CCDC148: variants seen among roughly 807,000 people sequenced by gnomAD.
CCDC148 encodes coiled-coil domain-containing protein 148.
In CCDC148, 89 loss-of-function variants were observed where a neutral mutation model predicts 85.7. The observed-to-expected ratio is 1.04, with a 90% CI of 0.87 to 1.24. The LOEUF (loss-of-function observed/expected upper bound fraction) is 1.24, where lower values mean the gene tolerates loss of function less well. Ranked by LOEUF, CCDC148 falls within the 50% of genes most tolerant of loss-of-function variation. CCDC148 has a pLI of 0.00. For missense variants in CCDC148, 692 were observed against 671.7 expected, an observed-to-expected ratio of 1.03 and a Z score of -0.33; for synonymous variants, 230 against 213.9, an observed-to-expected ratio of 1.08 and a Z score of -0.66.
chr2:158,437,629 G>T lies in CCDC148; in HGVS notation c.25+18786C>A, dbSNP rs576855289. ...CATAGTGTTGGAAGTGCTGACCAGG[G>T]CAATCAGGCAGGAGAAGGAAATAAA... On this transcript the variant is annotated intron_variant, in intron 1 of 13. Coordinates refer to ENST00000283233, the MANE Select transcript of CCDC148 (RefSeq NM_138803.4). Among the ~76,000 whole-genome samples the T allele has an allele frequency of 1.1e-3, 161 of 152,248 alleles. 1 individual carries two copies. Among genetic ancestry groups the T allele is most frequent in the African/African-American group, 3.7e-3 (152 of 41,520 alleles).
At chr2:158,269,934 TAAC>T (rs1272208178) in intron 9 of CCDC148, among the ~76,000 whole-genome samples, 1 of 152,180 alleles carries the variant, frequency 6.6e-6, no homozygotes, top group Non-Finnish European at 1.5e-5. Flanking sequence ...AAAGGGAAGT[TAAC>T]AACAGAACAA....
intron 11 of CCDC148, among the ~76,000 whole-genome samples, chr2:158,211,909 A>G (rs954495392): frequency 3.3e-5 from 5 of 152,190 alleles, no homozygotes; most frequent in African/African-American, 1.2e-4. Context: ...GCTAAGCTCC[A>G]TTCAAGAACT....
chr2:158,281,925 C>A (rs540894881), intron 9 of CCDC148, among the ~76,000 whole-genome samples: 1 of 151,902 alleles, frequency 6.6e-6, no homozygotes, highest in Admixed American at 6.6e-5. Flanking sequence ...AAAGCTTATC[C>A]ACCATGATCA....
At chr2:158,325,358 T>C (rs1418241035) in intron 7 of CCDC148, among the ~76,000 whole-genome samples, 1 of 152,150 alleles carries the variant, frequency 6.6e-6, no homozygotes, top group Non-Finnish European at 1.5e-5. Flanking sequence ...ACTGACCACT[T>C]CCTCTTCACT....
At chr2:158,311,479 G>A (rs909969849) in intron 8 of CCDC148, among the ~76,000 whole-genome samples, 1 of 152,166 alleles carries the variant, frequency 6.6e-6, no homozygotes, top group Admixed American at 6.5e-5. Flanking sequence ...GGAGACGAGG[G>A]AGAGGGGGAG....
At chr2:158,313,663 A>G (rs2105214245) in intron 8 of CCDC148, 93 bp downstream of exon 8, 2 of 1,253,664 alleles carry the variant, frequency 1.6e-6, no homozygotes, top group East Asian at 5.0e-5. Context: ...AATAATTTTT[A>G]AAGAACCATT....
At chr2:158,252,249 T>A (rs1044787260) in intron 9 of CCDC148, among the ~76,000 whole-genome samples, 1 of 151,822 alleles carries the variant, frequency 6.6e-6, no homozygotes, top group African/African-American at 2.4e-5. Flanking sequence ...TTTCATTTTC[T>A]AAAGTAATAT....
At chr2:158,400,088 G>A (rs908285822) in intron 1 of CCDC148, among the ~76,000 whole-genome samples, 7 of 152,144 alleles carry the variant, frequency 4.6e-5, no homozygotes, top group Admixed American at 4.6e-4. Context: ...AACATTCCAT[G>A]TCCATGGATA....
At chr2:158,217,370 G>GTATA (rs1453254522) in intron 11 of CCDC148, among the ~76,000 whole-genome samples, 8 of 75,504 alleles carry the variant, frequency 1.1e-4, no homozygotes, top group African/African-American at 2.7e-4. Context: ...TTTTGTGTGT[G>GTATA]TGTGTATATA....
At position 158,178,831 on chromosome 2, in the gene CCDC148, C is replaced by CT. The variant is rs750885484; in HGVS notation, c.1488+47_1488+48insA. On this transcript the variant is annotated intron_variant, in intron 12 of 13. Transcript: ENST00000283233. The stretch of plus-strand genomic sequence containing the variant: ...GAATGCTATTAAGAGCACTTAGAAA[C>CT]ATTTTTTTTAAAAAAACCACCCATG... 2.1e-5 allele frequency: 25 copies of CT among 1,168,252 alleles called. No individual in the cohort carries two copies. The East Asian group carries it at 6.1e-4, about 28-fold the overall frequency. The allele number at this position is 1,168,252 out of a possible 1,614,324, so 72.4% of individuals were successfully genotyped here.
chr2:158,315,369 T>A (rs1489831785), intron 7 of CCDC148, among the ~76,000 whole-genome samples: 2 of 152,180 alleles, frequency 1.3e-5, no homozygotes. Context: ...TGCATTTTAA[T>A]AGCAGAGTTA....
intron 11 of CCDC148, among the ~76,000 whole-genome samples, chr2:158,186,138 A>G (rs1685144435): frequency 3.9e-5 from 6 of 152,020 alleles, no homozygotes; most frequent in Admixed American, 3.9e-4. Flanking sequence ...GTACACATTG[A>G]CTTTGGGATG....
intron 1 of CCDC148, among the ~76,000 whole-genome samples, chr2:158,420,374 C>T (rs1686714660): frequency 6.6e-6 from 1 of 152,162 alleles, no homozygotes; most frequent in South Asian, 2.1e-4. Context: ...GCCCATCAGA[C>T]TAACAGCAGA....
chr2:158,311,031 G>T (rs1052510962), intron 8 of CCDC148, among the ~76,000 whole-genome samples: 2 of 152,072 alleles, frequency 1.3e-5, no homozygotes, highest in Non-Finnish European at 2.9e-5. Context: ...CCCAGAAGAC[G>T]GGTGGCCAGG....
intron 9 of CCDC148, among the ~76,000 whole-genome samples, chr2:158,282,141 G>A (rs1690348709): frequency 6.6e-6 from 1 of 151,550 alleles, no homozygotes; most frequent in Non-Finnish European, 1.5e-5. Flanking sequence ...AATAATAAGA[G>A]CTATCTATGA....
chr2:158,333,070 G>T (rs1354618921), intron 7 of CCDC148, among the ~76,000 whole-genome samples: 2 of 151,994 alleles, frequency 1.3e-5, no homozygotes, highest in African/African-American at 4.8e-5. Context: ...CTTGTCTTCT[G>T]CTAGCTTTTG....
intron 1 of CCDC148, among the ~76,000 whole-genome samples, chr2:158,431,829 T>A (rs909758484): frequency 3.3e-5 from 5 of 152,076 alleles, no homozygotes; most frequent in Non-Finnish European, 5.9e-5. Context: ...TCGCAGCTAT[T>A]TGTGTGGCTG....
At position 158,267,083 on chromosome 2, in the gene CCDC148, C is replaced by T. The variant is rs1028280722; in HGVS notation, c.1111-16171G>A. Among the ~76,000 whole-genome samples, 3 of 151,958 alleles carry T rather than the reference C, an allele frequency of 2.0e-5. No individual in the cohort carries two copies. The South Asian group carries it at 6.2e-4, about 32-fold the overall frequency. The stretch of plus-strand genomic sequence containing the variant: ...TATTCAGGCTATCAAATTTCAACCT[C>T]TCCCGAACTAGATAAAACTCCGATT... On this transcript the variant is annotated intron_variant, in intron 9 of 13. Transcript: ENST00000283233.
chr2:158,268,889 A>G (rs928576998), intron 9 of CCDC148, among the ~76,000 whole-genome samples: 1 of 152,120 alleles, frequency 6.6e-6, no homozygotes, highest in Non-Finnish European at 1.5e-5. Flanking sequence ...GTTGCTGCAA[A>G]TGGCAGAATT....
Sources: allele counts gnomAD v4.1 joint callset (sites outside exome capture counted in the v4.1 genomes callset), GRCh38; gene constraint gnomAD v4.1.1; transcripts MANE v1.5; gene names NCBI Gene and HGNC (gene_info 2026-07-23, HGNC 2026-07-21).